Variants in ZNF48 observed in about 807,000 individuals in gnomAD.
ZNF48 encodes the protein zinc finger protein 553.
In ZNF48, 20 loss-of-function variants were observed where a neutral mutation model predicts 40.0. The observed-to-expected ratio is 0.50, with a 90% CI of 0.35 to 0.73. ZNF48 has a LOEUF of 0.73. Among genes scored for constraint, ZNF48 ranks in the 30% least tolerant of loss-of-function variants. ZNF48 has a pLI of 0.01. For synonymous variants in ZNF48, 298 were observed against 329.7 expected (o/e 0.90, Z 1.04); for missense variants, 726 against 851.9 (o/e 0.85, Z 1.84).
intron 1 of ZNF48, among the ~76,000 whole-genome samples, chr16:30,386,401 G>A (rs2049900853): frequency 1.3e-5 from 2 of 149,688 alleles, no homozygotes; most frequent in South Asian, 4.3e-4. Flanking sequence ...GGCCGGGAGT[G>A]GTGGCTCATG....
chr16:30,381,912 C>T lies in ZNF48; in HGVS notation c.-16+3502C>T, dbSNP rs200443868. On this transcript the variant is annotated intron_variant, in intron 1 of 2. Coordinates refer to the ZNF48 transcript ENST00000528032. This position sits in a 1 kb window ranked among gnomAD's most constrained non-coding sequence, Gnocchi z 4.3. ...TGGGATGGGGGAGAGGTCAGGGATC[C>T]GGGGAGGCTCTGAGGCAGAATTAAT... 21 of 1,613,216 alleles carry T rather than the reference C, an allele frequency of 1.3e-5. 1 individual carries two copies. In the East Asian group the frequency reaches 3.6e-4, roughly 27 times the overall value.
Position 30,398,287 on chromosome 16 carries a change from G to T in ZNF48, c.1037G>T (p.Arg346Leu). The T allele has an allele frequency of 6.2e-7, 1 of 1,613,506 alleles. No individual in the cohort carries two copies. ...CGKGFADSSA[R>L]VKHLRTHSGE... Reference sequence around the variant, plus strand: ...AAAGGTTTCGCGGACAGCTCCGCCCGAGTCAAACACCTCCGCACCCACAGT... The same window carrying T: ...AAAGGTTTCGCGGACAGCTCCGCCCTAGTCAAACACCTCCGCACCCACAGT... The change falls in exon 3 of 3, where the codon CGA becomes CTA. Residue 346 changes from arginine to leucine, a missense_variant. This residue lies in a region of ZNF48 where 378 missense variants were observed against 449.1 expected (regional missense o/e 0.84). Transcript: ENST00000613509. This position sits in a 1 kb window ranked among gnomAD's most constrained non-coding sequence, Gnocchi z 6.6.
At chr16:30,380,044 A>G (rs1309318604) in intron 1 of ZNF48, 1 of 1,606,016 alleles carries the variant, frequency 6.2e-7, no homozygotes, top group East Asian at 2.2e-5. Context: ...CTCAGGGGAA[A>G]CAGATATAGA....
At chr16:30,394,910 A>C, upstream of ZNF48, 1 of 309,960 alleles carries the variant, frequency 3.2e-6, no homozygotes, top group Non-Finnish European at 6.5e-6. Flanking sequence ...GTCTGCCTCT[A>C]GCCTCTGCTC....
At chr16:30,387,218 C>CA (rs1193966447) in intron 1 of ZNF48, among the ~76,000 whole-genome samples, 1 of 146,276 alleles carries the variant, frequency 6.8e-6, no homozygotes, top group Non-Finnish European at 1.5e-5. Context: ...GCTGGGATTA[C>CA]AGGCGTGAGC....
chr16:30,384,714 C>T (rs1292703599), intron 1 of ZNF48, among the ~76,000 whole-genome samples: 1 of 149,360 alleles, frequency 6.7e-6, no homozygotes, highest in East Asian at 2.0e-4. Flanking sequence ...CCCGTCTCTA[C>T]TAAGAATACA....
chr16:30,381,158 A>G lies in ZNF48; in HGVS notation c.-16+2748A>G, dbSNP rs1003542365. On this transcript the variant is annotated intron_variant, in intron 1 of 2. Transcript: ENST00000528032. This position sits in a 1 kb window ranked among gnomAD's most constrained non-coding sequence, Gnocchi z 4.3. ...CTTGAGGGCCTGGGTTTCCTGGGGC[A>G]TCAGAGCATCCGCTTTGCCAATGAC... 6.2e-7 allele frequency: 1 copy of G among 1,614,132 alleles called. No individual in the cohort carries two copies. The highest frequency in any genetic ancestry group is 8.5e-7 in the Non-Finnish European group (1 of 1,180,002).
intron 1 of ZNF48, chr16:30,379,862 C>A (rs913971243): frequency 2.4e-6 from 2 of 850,808 alleles, no homozygotes; most frequent in African/African-American, 3.3e-5. Flanking sequence ...CCGTCTCAGC[C>A]TCCCAAAGTG....
Position 30,397,985 on chromosome 16 carries a change from G to A in ZNF48, c.735G>A (p.Glu245=), listed in dbSNP as rs778852460. The A allele has an allele frequency of 2.5e-5, 40 of 1,613,766 alleles. No homozygotes were observed. The highest frequency in any genetic ancestry group is 3.1e-5 in the Non-Finnish European group (36 of 1,179,944). The change falls in exon 3 of 3, where the codon GAG becomes GAA. Residue 245 remains glutamate (E), a synonymous_variant. Transcript: ENST00000613509. The surrounding 1 kb of genome is among the most constrained non-coding windows in gnomAD (Gnocchi z 4.1). ...RIKHQRTHRG[E]QPPRPVVPRR... ...AGCACCAGCGGACACACCGGGGGGA[G>A]CAGCCCCCCCGACCAGTGGTGCCCC... is the stretch of plus-strand genomic sequence containing the variant.
upstream of ZNF48, among the ~76,000 whole-genome samples, chr16:30,391,282 C>T (rs1255466856): frequency 1.3e-5 from 2 of 152,014 alleles, no homozygotes; most frequent in South Asian, 2.1e-4. Flanking sequence ...CTCTGCCTCC[C>T]GGGTTCAAAT....
Position 30,382,262 on chromosome 16 carries a change from A to C in ZNF48, c.-16+3852A>C. On this transcript the variant is annotated intron_variant, in intron 1 of 2. Transcript: ENST00000528032. The surrounding 1 kb of genome is among the most constrained non-coding windows in gnomAD (Gnocchi z 4.8). ...ACATCCCCTCCGCAGTTCCCTCTCC[A>C]AAACCCCCAGACCTGCCACCATTAG... 6.2e-7 allele frequency: 1 copy of C among 1,613,338 alleles called. No individual in the cohort carries two copies. Among genetic ancestry groups the C allele is most frequent in the Middle Eastern group, 1.6e-4 (1 of 6,062 alleles).
upstream of ZNF48, among the ~76,000 whole-genome samples, chr16:30,393,720 TTCTC>T (rs1234740389): frequency 6.6e-6 from 1 of 151,614 alleles, no homozygotes; most frequent in Non-Finnish European, 1.5e-5. Context: ...CTCTCTTTCT[TTCTC>T]TTTTTTTTTT....
intron 1 of ZNF48, among the ~76,000 whole-genome samples, chr16:30,383,190 T>C (rs1333231453): frequency 6.6e-6 from 1 of 152,096 alleles, no homozygotes; most frequent in Non-Finnish European, 1.5e-5. Flanking sequence ...TCTTTTTCTT[T>C]CTTTCTTTCT....
At position 30,395,516 on chromosome 16, in the gene ZNF48, C is replaced by A. The variant is rs1188131048; in HGVS notation, c.-78C>A. ...CCCGGAGCCGCTGGCGGCTCGGGCG[C>A]CTGCACCCCGCTGAGGAGCTCCGGA... On this transcript the variant is annotated 5_prime_UTR_variant, in exon 1 of 3. Transcript: ENST00000613509. This position sits in a 1 kb window ranked among gnomAD's most constrained non-coding sequence, Gnocchi z 5.9. 2 of 309,302 alleles carry A rather than the reference C, an allele frequency of 6.5e-6. No homozygotes were observed. Among genetic ancestry groups the A allele is most frequent in the South Asian group, 5.1e-5 (2 of 39,180 alleles). The allele number at this position is 309,302 out of a possible 1,614,324, so 19.2% of individuals were successfully genotyped here.
intron 1 of ZNF48, among the ~76,000 whole-genome samples, chr16:30,387,649 C>T (rs2049912065): frequency 6.6e-6 from 1 of 150,972 alleles, no homozygotes; most frequent in African/African-American, 2.4e-5. Context: ...ACCTCTGCCT[C>T]CTGGGTTCAA....
chr16:30,398,289 G>A lies in ZNF48; in HGVS notation c.1039G>A (p.Val347Ile). 6.2e-7 allele frequency: 1 copy of A among 1,613,528 alleles called. No individual in the cohort carries two copies. The highest frequency in any genetic ancestry group is 8.5e-7 in the Non-Finnish European group (1 of 1,180,026). The change falls in exon 3 of 3, where the codon GTC becomes ATC. Residue 347 changes from valine to isoleucine, a missense_variant. Val to Ile is a conservative substitution (Grantham distance 29). Coordinates refer to ENST00000613509, the MANE Select transcript of ZNF48 (RefSeq NM_001214909.2). This position sits in a 1 kb window ranked among gnomAD's most constrained non-coding sequence, Gnocchi z 6.6. ...GKGFADSSAR[V>I]KHLRTHSGER... ...AGGTTTCGCGGACAGCTCCGCCCGAGTCAAACACCTCCGCACCCACAGTGG... is the reference window on the plus strand; with the variant it reads ...AGGTTTCGCGGACAGCTCCGCCCGAATCAAACACCTCCGCACCCACAGTGG...
At position 30,398,926 on chromosome 16, in the gene ZNF48, T is replaced by C; in HGVS notation, c.1676T>C (p.Val559Ala). 3.1e-6 allele frequency: 5 copies of C among 1,613,402 alleles called. No homozygotes were observed. In the South Asian group the frequency reaches 4.4e-5, roughly 14 times the overall value. The change falls in exon 3 of 3, where the codon GTC becomes GCC. Residue 559 changes from valine (V) to alanine (A), a missense_variant. Around this residue, in one of 5 missense-constraint regions of ZNF48, gnomAD observed 166 missense variants for 163.6 expected, o/e 1.01. Coordinates refer to ENST00000613509, the MANE Select transcript of ZNF48 (RefSeq NM_001214909.2). The surrounding 1 kb of genome is among the most constrained non-coding windows in gnomAD (Gnocchi z 6.6). Reference sequence around the variant, plus strand: ...GAGTTCCCCCGGAGCTCAGATCTGGTCAAACACAGGCGTACACACACGGGG... The same window carrying C: ...GAGTTCCCCCGGAGCTCAGATCTGGCCAAACACAGGCGTACACACACGGGG... Reference protein sequence around the residue: ...GKEFPRSSDLVKHRRTHTGEK... With the variant: ...GKEFPRSSDLAKHRRTHTGEK...
upstream of ZNF48, among the ~76,000 whole-genome samples, chr16:30,391,597 G>A (rs777041000): frequency 2.7e-5 from 4 of 150,226 alleles, no homozygotes; most frequent in African/African-American, 9.8e-5. Flanking sequence ...GCGAGTTCAA[G>A]CGATTCTCCT....
intron 1 of ZNF48, among the ~76,000 whole-genome samples, chr16:30,389,210 G>A (rs1032956072): frequency 3.6e-4 from 54 of 151,802 alleles, no homozygotes; most frequent in African/African-American, 1.3e-3. Context: ...TGGCTGACAC[G>A]GTGAAACCCC....
Sources: gnomAD v4.1 joint callset for allele counts (sites outside exome capture counted in the v4.1 genomes callset) on GRCh38, gnomAD v4.1.1 for gene constraint, gnomAD v4.1.1 regional missense constraint, Gnocchi (gnomAD v3.1) non-coding constraint, MANE v1.5 for transcripts, NCBI Gene and HGNC (gene_info 2026-07-23, HGNC 2026-07-21) for gene names.